The following NUBPL variants were observed in gnomAD, a reference collection of about 807,000 sequenced individuals.
NUBPL encodes the protein iron-sulfur cluster transfer protein NUBPL.
NUBPL carries 31 observed loss-of-function variants against 45.7 expected under a neutral mutation model. The ratio of observed to expected loss-of-function variants is 0.68; its 90% CI spans 0.51 to 0.92. The LOEUF is 0.92. NUBPL is among the 40% of genes least tolerant of loss of function. NUBPL has a pLI of 0.00. For synonymous variants in NUBPL, 144 were observed against 140.9 expected, an observed-to-expected ratio of 1.02 and a Z score of -0.15; for missense variants, 401 against 398.7, an observed-to-expected ratio of 1.01 and a Z score of -0.05.
intron 4 of NUBPL, among the ~76,000 whole-genome samples, chr14:31,604,382 T>G: frequency 6.6e-6 from 1 of 152,178 alleles, no homozygotes; most frequent in East Asian, 1.9e-4. Context: ...TCATGTTAAT[T>G]TATCCTATTC....
intron 6 of NUBPL, among the ~76,000 whole-genome samples, chr14:31,743,735 G>A (rs1263757683): frequency 6.6e-6 from 1 of 152,060 alleles, no homozygotes; most frequent in East Asian, 1.9e-4. Flanking sequence ...GATGAGGAAG[G>A]CATTCTTTTG....
intron 3 of NUBPL, among the ~76,000 whole-genome samples, chr14:31,575,949 T>A (rs1250273236): frequency 2.0e-5 from 3 of 152,246 alleles, no homozygotes; most frequent in Non-Finnish European, 4.4e-5. Flanking sequence ...AGGCAATTCT[T>A]GGTAAGAAAT....
intron 4 of NUBPL, among the ~76,000 whole-genome samples, chr14:31,650,456 A>G (rs1160868269): frequency 1.3e-5 from 2 of 151,866 alleles, no homozygotes; most frequent in African/African-American, 4.8e-5. Context: ...CACCCGGCTA[A>G]TTTTTTGTAT....
At chr14:31,812,196 A>G (rs1173311274) in intron 7 of NUBPL, among the ~76,000 whole-genome samples, 2 of 152,234 alleles carry the variant, frequency 1.3e-5, no homozygotes, top group African/African-American at 4.8e-5. Context: ...GGGACGTTTA[A>G]GTCTGCAGAA....
intron 6 of NUBPL, among the ~76,000 whole-genome samples, chr14:31,750,488 C>T (rs145724855): frequency 0.012 from 1,822 of 151,794 alleles, 32 homozygotes; most frequent in African/African-American, 0.034. Flanking sequence ...TGAGCCACCG[C>T]GCCTGGCCAC....
At chr14:31,758,429 G>A (rs1006256599) in intron 6 of NUBPL, among the ~76,000 whole-genome samples, 7 of 152,142 alleles carry the variant, frequency 4.6e-5, no homozygotes, top group African/African-American at 1.7e-4. Flanking sequence ...TCTTAGCAAA[G>A]CTTCAGAAAA....
chr14:31,766,075 G>A (rs554044355), intron 6 of NUBPL, among the ~76,000 whole-genome samples: 1 of 152,286 alleles, frequency 6.6e-6, no homozygotes, highest in South Asian at 2.1e-4. Context: ...AAAAAGCAGG[G>A]TAGCAAATTT....
chr14:31,756,366 T>C (rs1168654517), intron 6 of NUBPL, among the ~76,000 whole-genome samples: 1 of 152,028 alleles, frequency 6.6e-6, no homozygotes, highest in Non-Finnish European at 1.5e-5. Flanking sequence ...TGTATCCTCT[T>C]TTATTTCCTT....
intron 6 of NUBPL, among the ~76,000 whole-genome samples, chr14:31,683,576 C>G (rs1037232552): frequency 6.6e-6 from 1 of 152,084 alleles, no homozygotes; most frequent in Non-Finnish European, 1.5e-5. Context: ...TGGTCTCGAT[C>G]TCCTGACCTC....
chr14:31,660,948 G>A (rs1227543404), intron 4 of NUBPL, among the ~76,000 whole-genome samples: 1 of 152,172 alleles, frequency 6.6e-6, no homozygotes, highest in Non-Finnish European at 1.5e-5. Context: ...AACTTTAATA[G>A]GAAGATGTAA....
chr14:31,799,210 A>G (rs754436304), intron 7 of NUBPL, among the ~76,000 whole-genome samples: 1 of 152,138 alleles, frequency 6.6e-6, no homozygotes, highest in Non-Finnish European at 1.5e-5. Context: ...TATTAGCTAG[A>G]TACAAGATAC....
At chr14:31,598,100 T>G (rs930176489) in intron 3 of NUBPL, among the ~76,000 whole-genome samples, 9 of 152,176 alleles carry the variant, frequency 5.9e-5, no homozygotes, top group African/African-American at 2.2e-4. Context: ...TACATAAAGC[T>G]GAGATTTTCA....
chr14:31,569,445 C>T (rs2033523293), intron 3 of NUBPL, among the ~76,000 whole-genome samples: 1 of 152,190 alleles, frequency 6.6e-6, no homozygotes, highest in African/African-American at 2.4e-5. Flanking sequence ...GATCCACCCA[C>T]TTCTGCCTCC....
At chr14:31,705,198 G>A (rs2037420778) in intron 6 of NUBPL, among the ~76,000 whole-genome samples, 1 of 152,178 alleles carries the variant, frequency 6.6e-6, no homozygotes, top group Admixed American at 6.5e-5. Context: ...CCTCCTGGTG[G>A]GTTCATGGTC....
chr14:31,698,655 A>T (rs2037266370), intron 6 of NUBPL, among the ~76,000 whole-genome samples: 1 of 152,160 alleles, frequency 6.6e-6, no homozygotes. Flanking sequence ...CCTGTCCTAT[A>T]GATTCTTTTG....
rs534743341 is a variant in NUBPL, at chr14:31,817,317, A to G, written c.608-9312A>G. Among the ~76,000 whole-genome samples, 6 of 152,256 alleles carry G rather than the reference A, an allele frequency of 3.9e-5. No individual in the cohort carries two copies. In the South Asian group the frequency reaches 1.2e-3, roughly 32 times the overall value. Reference sequence around the variant, plus strand: ...GACAGGCCAACATTCAAATTCAAGAAACACAGAGAACACTGCAAAGATACC... The same window carrying G: ...GACAGGCCAACATTCAAATTCAAGAGACACAGAGAACACTGCAAAGATACC... On this transcript the variant is annotated intron_variant, in intron 7 of 10. Coordinates refer to ENST00000281081, the MANE Select transcript of NUBPL (RefSeq NM_025152.3).
intron 4 of NUBPL, among the ~76,000 whole-genome samples, chr14:31,611,976 A>T (rs2034771816): frequency 1.3e-5 from 2 of 152,340 alleles, no homozygotes; most frequent in South Asian, 4.1e-4. Flanking sequence ...AAAAGAAAAC[A>T]TTGGGAAAGA....
intron 4 of NUBPL, among the ~76,000 whole-genome samples, chr14:31,629,318 A>G (rs1012930317): frequency 1.3e-5 from 2 of 152,176 alleles, no homozygotes; most frequent in African/African-American, 4.8e-5. Context: ...GCTGTAAAAT[A>G]GTTTGTGTCT....
intron 4 of NUBPL, chr14:31,667,763 A>G (rs940316430): frequency 6.6e-6 from 1 of 152,298 alleles, no homozygotes; most frequent in African/African-American, 2.4e-5. Context: ...GTTAATGTTG[A>G]TGTTATTGCT....
Sources: gnomAD v4.1 joint callset for allele counts (sites outside exome capture counted in the v4.1 genomes callset) on GRCh38, gnomAD v4.1.1 for gene constraint, MANE v1.5 for transcripts, NCBI Gene and HGNC (gene_info 2026-07-23, HGNC 2026-07-21) for gene names.